Variants in PHLPP1 observed in about 807,000 individuals in gnomAD.
PHLPP1 encodes PH domain leucine-rich repeat-containing protein phosphatase 1.
Under a neutral mutation model 117.2 loss-of-function variants are expected in PHLPP1, and 42 were observed. The observed-to-expected ratio is 0.36, with a 90% CI of 0.28 to 0.46. The LOEUF (loss-of-function observed/expected upper bound fraction) is 0.46. PHLPP1 is among the 20% of genes least tolerant of loss of function. The pLI is 1.00. For synonymous variants in PHLPP1, 1,042 were observed against 970.7 expected (o/e 1.07, Z -1.37); for missense variants, 2,084 against 2,241.9 (o/e 0.93, Z 1.42).
chr18:62,721,456 GTA>G (rs919491742), intron 1 of PHLPP1, among the ~76,000 whole-genome samples: 1 of 151,684 alleles, frequency 6.6e-6, no homozygotes, highest in Non-Finnish European at 1.5e-5. Flanking sequence ...GTGTGTGTGT[GTA>G]TGTGTGACAG....
At chr18:62,730,173 G>A (rs2048948042) in intron 1 of PHLPP1, among the ~76,000 whole-genome samples, 1 of 152,156 alleles carries the variant, frequency 6.6e-6, no homozygotes, top group Admixed American at 6.5e-5. Flanking sequence ...GGTCAGTTTG[G>A]GCACATCAGC....
intron 14 of PHLPP1, among the ~76,000 whole-genome samples, chr18:62,965,199 GGTTTTTGTTTGTTTTTTGGT>G (rs1406257606): frequency 2.6e-5 from 4 of 152,196 alleles, no homozygotes; most frequent in Admixed American, 2.0e-4. Flanking sequence ...TTTCTCGAGA[GGTTTTTGTTTGTTTTTTGGT>G]GTTTTTTGTT....
chr18:62,784,059 T>TTTTTTTTTTTTTTTTTTTTTTG (rs1392036428), intron 1 of PHLPP1, among the ~76,000 whole-genome samples: 1 of 152,218 alleles, frequency 6.6e-6, no homozygotes, highest in Non-Finnish European at 1.5e-5. Context: ...TGTGCATTTT[T>TTTTTTTTTTTTTTTTTTTTTTG]AAGATTCAAG....
chr18:62,952,497 G>A (rs180901358), intron 12 of PHLPP1, among the ~76,000 whole-genome samples: 2 of 152,272 alleles, frequency 1.3e-5, no homozygotes, highest in East Asian at 3.9e-4. Flanking sequence ...AAATGCAGTT[G>A]AGAAAATCAT....
chr18:62,955,347 C>T (rs995813873), intron 12 of PHLPP1, among the ~76,000 whole-genome samples: 4 of 152,258 alleles, frequency 2.6e-5, no homozygotes, highest in East Asian at 1.9e-4. Context: ...AGCAGGCTGA[C>T]GGACTGAAGC....
intron 9 of PHLPP1, among the ~76,000 whole-genome samples, chr18:62,917,094 A>C (rs1485781281): frequency 6.7e-6 from 1 of 150,180 alleles, no homozygotes; most frequent in Non-Finnish European, 1.5e-5. Context: ...TCCACCCCTC[A>C]ATCCCACAGA....
chr18:62,839,255 T>C (rs1914992146), intron 3 of PHLPP1: 2 of 187,126 alleles, frequency 1.1e-5, no homozygotes, highest in Admixed American at 1.1e-4. Flanking sequence ...AGAGAATTGT[T>C]ACAAATTTCC....
intron 3 of PHLPP1, among the ~76,000 whole-genome samples, chr18:62,857,415 T>C (rs1428743193): frequency 6.6e-6 from 1 of 152,196 alleles, no homozygotes; most frequent in Non-Finnish European, 1.5e-5. Context: ...TCTTTCCTGG[T>C]TTCAGAATAT....
intron 1 of PHLPP1, among the ~76,000 whole-genome samples, chr18:62,755,425 G>A (rs887310284): frequency 6.6e-6 from 1 of 152,182 alleles, no homozygotes; most frequent in Non-Finnish European, 1.5e-5. Context: ...GTGTGTCCCT[G>A]TGCAATTCAT....
rs1201977045 is a variant in PHLPP1, at chr18:62,716,204, G to A, written c.521G>A (p.Arg174Lys). The stretch of plus-strand genomic sequence containing the variant: ...TCGCTGTGCACCCGGAGCCTGGACA[G>A]GAAGACGCTGCTTCTGAAGCACCGG... ...SASLCTRSLD[R>K]KTLLLKHRQT... The change falls in exon 1 of 17, where the codon AGG becomes AAG. Residue 174 changes from arginine to lysine, a missense_variant. Coordinates refer to ENST00000262719, the MANE Select transcript of PHLPP1 (RefSeq NM_194449.4). This position sits in a 1 kb window ranked among gnomAD's most constrained non-coding sequence, Gnocchi z 5.7. The A allele has an allele frequency of 3.3e-6, 5 of 1,526,686 alleles. No homozygotes were observed. Among genetic ancestry groups the A allele is most frequent in the Non-Finnish European group, 3.5e-6 (4 of 1,142,720 alleles). The allele number at this position is 1,526,686 out of a possible 1,614,324, so 94.6% of individuals were successfully genotyped here.
chr18:62,960,652 C>G (rs1910741250), intron 13 of PHLPP1, among the ~76,000 whole-genome samples: 1 of 152,120 alleles, frequency 6.6e-6, no homozygotes, highest in African/African-American at 2.4e-5. Context: ...GTATATCAAG[C>G]AAATACAAAA....
rs188760260 is a variant in PHLPP1 at position 62,890,869 on chromosome 18, T to A, written c.2067-4142T>A. On this transcript the variant is annotated intron_variant, in intron 4 of 16. Transcript: ENST00000262719. ...AGAGGAACTTTTTTTTAAGTTAATT[T>A]AATTGGATGCAAATTTTAAAACTGG... is the stretch of plus-strand genomic sequence containing the variant. Among the ~76,000 whole-genome samples, 709 of 152,328 alleles carry A rather than the reference T, an allele frequency of 4.7e-3. 2 individuals are homozygous for A. Among genetic ancestry groups the A allele is most frequent in the Non-Finnish European group, 6.7e-3 (458 of 68,024 alleles).
intron 12 of PHLPP1, among the ~76,000 whole-genome samples, chr18:62,957,414 G>A (rs1468038707): frequency 6.6e-6 from 1 of 150,642 alleles, no homozygotes; most frequent in East Asian, 1.9e-4. Context: ...GAGTCCAGAT[G>A]TTGATGCCTT....
chr18:62,979,529 TC>T lies in PHLPP1; in HGVS notation c.*103del, dbSNP rs1568181439. ...AACCAGGGGTTTTACTCCACATCCT[TC>T]CCCCAGACACTGTTCCCAACCTGTC... On this transcript the variant is annotated 3_prime_UTR_variant, in exon 17 of 17. Transcript: ENST00000262719. 1.5e-6 allele frequency: 2 copies of T among 1,311,828 alleles called. No homozygotes were observed. Among genetic ancestry groups the T allele is most frequent in the Non-Finnish European group, 2.1e-6 (2 of 962,594 alleles). 81.3% of individuals were successfully genotyped at this position (1,311,828 alleles called of 1,614,324 possible).
chr18:62,867,053 T>C (rs1480722337), intron 4 of PHLPP1, among the ~76,000 whole-genome samples: 2 of 152,334 alleles, frequency 1.3e-5, no homozygotes, highest in African/African-American at 4.8e-5. Flanking sequence ...TTTTTAAAAA[T>C]TTAAGCCTTT....
chr18:62,809,398 A>AT (rs2144309740), intron 1 of PHLPP1, among the ~76,000 whole-genome samples: 2 of 152,300 alleles, frequency 1.3e-5, no homozygotes, highest in South Asian at 4.1e-4. Context: ...TATACACAAT[A>AT]TAAGTATCAA....
chr18:62,926,681 A>G lies in PHLPP1; in HGVS notation c.2960+6567A>G, dbSNP rs138867572. Among the ~76,000 whole-genome samples, 45 of 152,276 alleles carry G rather than the reference A, an allele frequency of 3.0e-4. 2 individuals carry two copies. In the East Asian group the frequency reaches 8.1e-3, roughly 27 times the overall value. On this transcript the variant is annotated intron_variant, in intron 10 of 16. Transcript: ENST00000262719. ...CTACCCTGACCTACTTAACAAGAAT[A>G]TCTCCGAGTTGAAGTTGAGAATTCT... is the stretch of plus-strand genomic sequence containing the variant.
At chr18:62,897,582 C>T (rs1450667180) in intron 6 of PHLPP1, among the ~76,000 whole-genome samples, 1 of 152,198 alleles carries the variant, frequency 6.6e-6, no homozygotes, top group Non-Finnish European at 1.5e-5. Flanking sequence ...TCTCAGCTCA[C>T]TGCAACCTCC....
At chr18:62,844,363 T>A (rs1221948136) in intron 3 of PHLPP1, among the ~76,000 whole-genome samples, 1 of 152,104 alleles carries the variant, frequency 6.6e-6, no homozygotes, top group Non-Finnish European at 1.5e-5. Flanking sequence ...AAAATAAAAA[T>A]AAAGTATTTT....
Sources: gnomAD v4.1 joint callset for allele counts (sites outside exome capture counted in the v4.1 genomes callset) on GRCh38, gnomAD v4.1.1 for gene constraint, Gnocchi (gnomAD v3.1) non-coding constraint, MANE v1.5 for transcripts, NCBI Gene and HGNC (gene_info 2026-07-23, HGNC 2026-07-21) for gene names.